The following THNSL1 variants were observed in gnomAD, a reference collection of about 807,000 sequenced individuals.
THNSL1 encodes threonine synthase like 1.
THNSL1 carries 48 observed loss-of-function variants against 50.4 expected under a neutral mutation model. That is an observed-to-expected ratio of 0.95 (90% confidence interval 0.76 to 1.21). The LOEUF (loss-of-function observed/expected upper bound fraction) is 1.21, where lower values mean the gene tolerates loss of function less well. Among genes scored for constraint, THNSL1 ranks in the 50% most tolerant of loss-of-function variants. The pLI is 0.00. For synonymous variants in THNSL1, 309 were observed against 306.1 expected (o/e 1.01, Z -0.10); for missense variants, 896 against 871.7 (o/e 1.03, Z -0.35).
the THNSL1 span, among the ~76,000 whole-genome samples, chr10:24,971,160 C>T: frequency 6.6e-6 from 1 of 151,940 alleles, no homozygotes; most frequent in Non-Finnish European, 1.5e-5. Flanking sequence ...AGTGCAGTGG[C>T]ACAATCATAG....
At chr10:24,952,543 G>A in the THNSL1 span, 1 of 1,590,780 alleles carries the variant, frequency 6.3e-7, no homozygotes, top group Non-Finnish European at 8.6e-7. The surrounding 1 kb of genome is among the most constrained non-coding windows in gnomAD (Gnocchi z 5.1). Flanking sequence ...CGCCTCGCCC[G>A]TAGTCTGGCG....
At chr10:25,019,251 A>C (rs1311289344) in intron 1 of THNSL1, among the ~76,000 whole-genome samples, 1 of 152,202 alleles carries the variant, frequency 6.6e-6, no homozygotes, top group Admixed American at 6.5e-5. Context: ...AGGCAGGAAG[A>C]CTGCTTGAGC....
At chr10:24,953,857 G>A in the THNSL1 span, among the ~76,000 whole-genome samples, 1 of 152,158 alleles carries the variant, frequency 6.6e-6, no homozygotes, top group Non-Finnish European at 1.5e-5. Flanking sequence ...CAGACTTGGC[G>A]CCCTGGTCCT....
the THNSL1 span, among the ~76,000 whole-genome samples, chr10:24,977,229 T>C: frequency 6.6e-6 from 1 of 152,240 alleles, no homozygotes; most frequent in African/African-American, 2.4e-5. Flanking sequence ...ATAGGTGTAA[T>C]TCTTCTATAG....
chr10:24,960,454 G>A, the THNSL1 span, among the ~76,000 whole-genome samples: 1 of 151,748 alleles, frequency 6.6e-6, no homozygotes, highest in South Asian at 2.1e-4. Flanking sequence ...TGGAGATGGA[G>A]CCTTGCTCTG....
the THNSL1 span, among the ~76,000 whole-genome samples, chr10:25,005,494 A>G: frequency 6.6e-6 from 1 of 152,210 alleles, no homozygotes; most frequent in Non-Finnish European, 1.5e-5. Context: ...CAAAATAGGC[A>G]TCAAGGATTA....
chr10:25,017,004 C>T (rs996489286), intron 1 of THNSL1, among the ~76,000 whole-genome samples: 6 of 152,176 alleles, frequency 3.9e-5, no homozygotes, highest in Non-Finnish European at 5.9e-5. Flanking sequence ...CGGCCTCCTC[C>T]GCCTGCTGCG....
chr10:24,972,963 CTAAAT>C, the THNSL1 span, among the ~76,000 whole-genome samples: 1 of 152,050 alleles, frequency 6.6e-6, no homozygotes, highest in South Asian at 2.1e-4. Context: ...CTGTACATAT[CTAAAT>C]TAAGCTTTAA....
the THNSL1 span, among the ~76,000 whole-genome samples, chr10:25,008,023 G>T: frequency 6.7e-6 from 1 of 148,814 alleles, no homozygotes. Flanking sequence ...AAATATATGA[G>T]ATATATAAGC....
chr10:24,986,339 C>A, the THNSL1 span, among the ~76,000 whole-genome samples: 1 of 152,038 alleles, frequency 6.6e-6, no homozygotes, highest in African/African-American at 2.4e-5. Flanking sequence ...AAAAGGGCAA[C>A]AAATTATGAG....
the THNSL1 span, among the ~76,000 whole-genome samples, chr10:24,998,622 C>A: frequency 2.6e-5 from 4 of 151,902 alleles, no homozygotes; most frequent in African/African-American, 9.7e-5. Context: ...TGCCCTAAGA[C>A]ATCTGGGAAG....
upstream of THNSL1, among the ~76,000 whole-genome samples, chr10:25,015,609 TTAA>T (rs906986598): frequency 3.3e-5 from 5 of 152,174 alleles, no homozygotes; most frequent in Admixed American, 2.0e-4. Context: ...ACATACCGTA[TTAA>T]TAAGAGGTTA....
chr10:25,009,256 A>C, the THNSL1 span, among the ~76,000 whole-genome samples: 57 of 132,454 alleles, frequency 4.3e-4, no homozygotes, highest in African/African-American at 2.0e-3. Context: ...AGAGTATAAT[A>C]AAAAAAAAAG....
At chr10:24,980,937 T>G in the THNSL1 span, among the ~76,000 whole-genome samples, 1 of 152,174 alleles carries the variant, frequency 6.6e-6, no homozygotes, top group Non-Finnish European at 1.5e-5. Context: ...GCCAGGCTGG[T>G]CTCGAACTCC....
chr10:24,996,456 G>GTGTATATA, the THNSL1 span, among the ~76,000 whole-genome samples: 271 of 149,800 alleles, frequency 1.8e-3, 4 homozygotes, highest in African/African-American at 6.2e-3. Context: ...GTGTGTGTGT[G>GTGTATATA]TATATATATA....
chr10:25,025,500 A>T lies in THNSL1; in HGVS notation c.*45A>T. 1 of 1,525,206 alleles carries T rather than the reference A, an allele frequency of 6.6e-7. No individual in the cohort carries two copies. The highest frequency in any genetic ancestry group is 8.8e-7 in the Non-Finnish European group (1 of 1,130,936). The allele number at this position is 1,525,206 out of a possible 1,614,324, so 94.5% of individuals were successfully genotyped here. On this transcript the variant is annotated 3_prime_UTR_variant, in exon 3 of 3. Transcript: ENST00000376356. ...TTTTTTCTAGCTATAAGCATGCAAT[A>T]ATAAATCTCAAACACTGATTTGGAG...
At chr10:24,972,251 TA>T in the THNSL1 span, among the ~76,000 whole-genome samples, 1 of 149,586 alleles carries the variant, frequency 6.7e-6, no homozygotes, top group African/African-American at 2.5e-5. Flanking sequence ...CTCGCGCCTG[TA>T]ATCCCAGCAC....
At chr10:24,984,212 G>T in the THNSL1 span, 2 of 722,062 alleles carry the variant, frequency 2.8e-6, no homozygotes. Context: ...TTTCTCACTG[G>T]GAATAACTGC....
At chr10:25,000,594 C>T in the THNSL1 span, among the ~76,000 whole-genome samples, 1 of 152,094 alleles carries the variant, frequency 6.6e-6, no homozygotes, top group Non-Finnish European at 1.5e-5. Flanking sequence ...ATTCTGTGCT[C>T]TAGAATCTAC....
Sources: allele counts gnomAD v4.1 joint callset (sites outside exome capture counted in the v4.1 genomes callset), GRCh38; gene constraint gnomAD v4.1.1; non-coding constraint Gnocchi (gnomAD v3.1); transcripts MANE v1.5; gene names NCBI Gene and HGNC (gene_info 2026-07-23, HGNC 2026-07-21).